MAX: variants seen among roughly 807,000 people sequenced by gnomAD.
The protein encoded by MAX is MYC associated transcriptional regulator X.
In MAX, 3 loss-of-function variants were observed where a neutral mutation model predicts 22.3. That is an observed-to-expected ratio of 0.13 (90% CI 0.06 to 0.35). The LOEUF (loss-of-function observed/expected upper bound fraction) is 0.35. MAX is among the 10% of genes least tolerant of loss of function. The pLI is 1.00. For synonymous variants in MAX, 72 were observed against 77.7 expected (o/e 0.93, Z 0.39); for missense variants, 119 against 209.4 (o/e 0.57, Z 2.66).
Position 65,030,910 on chromosome 14 carries a change from C to T in MAX, c.172-24626G>A, listed in dbSNP as rs930494191. On this transcript the variant is annotated intron_variant, in intron 3 of 3. Transcript: ENST00000341653. The surrounding 1 kb of genome is among the most constrained non-coding windows in gnomAD (Gnocchi z 4.5). ...GCAACCTCTGTCTCTGGGGTTCAAA[C>T]GATTCTCCTGCCTCGGTCTCCCAAG... Among the ~76,000 whole-genome samples, 3 of 152,082 alleles carry T rather than the reference C, an allele frequency of 2.0e-5. No homozygotes were observed. The highest frequency in any genetic ancestry group is 1.9e-4 in the East Asian group (1 of 5,146).
chr14:65,057,908 GT>G (rs1481980344), intron 3 of MAX, among the ~76,000 whole-genome samples: 3 of 152,090 alleles, frequency 2.0e-5, no homozygotes, highest in Non-Finnish European at 4.4e-5. Flanking sequence ...TGTTCCTTTG[GT>G]CTGTTTGCCT....
chr14:65,056,257 CTATTA>C (rs1444068187), intron 3 of MAX, among the ~76,000 whole-genome samples: 1 of 152,186 alleles, frequency 6.6e-6, no homozygotes, highest in Non-Finnish European at 1.5e-5. Flanking sequence ...TTCATTTTAA[CTATTA>C]TATGATACTC....
intron 3 of MAX, among the ~76,000 whole-genome samples, chr14:65,051,166 G>A (rs929400666): frequency 4.6e-5 from 7 of 152,222 alleles, no homozygotes; most frequent in African/African-American, 1.2e-4. Flanking sequence ...GGCTGAGTGC[G>A]ACTCAGGGTT....
chr14:65,040,307 G>A (rs1010984173), intron 3 of MAX, among the ~76,000 whole-genome samples: 2 of 149,166 alleles, frequency 1.3e-5, no homozygotes, highest in African/African-American at 2.4e-5. Context: ...GTATATATAT[G>A]TGTATATATG....
At chr14:65,072,390 G>A (rs2062997566), downstream of MAX, among the ~76,000 whole-genome samples, 1 of 152,202 alleles carries the variant, frequency 6.6e-6, no homozygotes, top group Non-Finnish European at 1.5e-5. Flanking sequence ...GGAGCACGTA[G>A]ACTCATCAAG....
chr14:65,043,641 T>C (rs147021938), intron 3 of MAX, among the ~76,000 whole-genome samples: 7,332 of 150,900 alleles, frequency 0.049, 590 homozygotes, highest in African/African-American at 0.17. Context: ...GCTAACAAGG[T>C]GAAACCCCGT....
intron 3 of MAX, among the ~76,000 whole-genome samples, chr14:65,034,247 A>G (rs886793915): frequency 2.6e-5 from 4 of 152,196 alleles, no homozygotes; most frequent in African/African-American, 9.7e-5. Flanking sequence ...CTTGCTACAC[A>G]GCAGGCATCC....
At chr14:65,053,324 G>C in intron 3 of MAX, 1 of 1,442,490 alleles carries the variant, frequency 6.9e-7, no homozygotes, top group Non-Finnish European at 9.2e-7. Context: ...GTGCCCTGCG[G>C]GGGGGCTTCT....
At chr14:65,060,870 CAAAAAAAAAA>C (rs58241887) in intron 3 of MAX, among the ~76,000 whole-genome samples, 12 of 79,596 alleles carry the variant, frequency 1.5e-4, no homozygotes, top group African/African-American at 4.4e-4. Context: ...AAGACTCTCT[CAAAAAAAAAA>C]AAAAAAAAAA....
chr14:65,061,715 T>C (rs1242369706), intron 3 of MAX: 1 of 184,446 alleles, frequency 5.4e-6, no homozygotes, highest in African/African-American at 2.3e-5. Flanking sequence ...TGCCCTCCGA[T>C]GGGTGGAATA....
chr14:65,076,194 A>C lies in MAX; in HGVS notation c.*282T>G. ...AGGTCCGGCCGGCCGTCTGTCCTCC[A>C]CAGAAAAAGCTGCCAAGTTGGGGTG... On this transcript the variant is annotated 3_prime_UTR_variant, in exon 5 of 5. Coordinates refer to ENST00000358664, the MANE Select transcript of MAX (RefSeq NM_002382.5). This position sits in a 1 kb window ranked among gnomAD's most constrained non-coding sequence, Gnocchi z 6.6. 4 of 1,411,222 alleles carry C rather than the reference A, an allele frequency of 2.8e-6. No homozygotes were observed. The South Asian group carries it at 6.3e-5, about 22-fold the overall frequency. The allele number at this position is 1,411,222 out of a possible 1,614,324, so 87.4% of individuals were successfully genotyped here.
At position 65,028,760 on chromosome 14, in the gene MAX, C is replaced by T. The variant is rs966549992; in HGVS notation, c.172-22476G>A. On this transcript the variant is annotated intron_variant, in intron 3 of 3. Transcript: ENST00000341653. The surrounding 1 kb of genome is among the most constrained non-coding windows in gnomAD (Gnocchi z 4.4). ...GTGTATACCAGTGAAACCAGTAGAA[C>T]GACTGAGGTAAATCAGTATGTGTTG... Among the ~76,000 whole-genome samples the T allele has an allele frequency of 3.0e-4, 46 of 152,258 alleles. No individual in the cohort carries two copies. Among genetic ancestry groups the T allele is most frequent in the African/African-American group, 1.0e-3 (42 of 41,558 alleles).
At position 65,012,508 on chromosome 14, in the gene MAX, T is replaced by G; in HGVS notation, c.172-6224A>C. On this transcript the variant is annotated intron_variant, in intron 3 of 3. Coordinates refer to the MAX transcript ENST00000341653. The surrounding 1 kb of genome is among the most constrained non-coding windows in gnomAD (Gnocchi z 5.0). ...TGTTGCAGAGTCACTCTTTGTTCTC[T>G]GTGGCTCTGGCAGGAGGTAGGGTGC... is the stretch of plus-strand genomic sequence containing the variant. 7 of 1,353,768 alleles carry G rather than the reference T, an allele frequency of 5.2e-6. No homozygotes were observed. Among genetic ancestry groups the G allele is most frequent in the East Asian group, 2.6e-5 (1 of 39,142 alleles). The allele number at this position is 1,353,768 out of a possible 1,614,324, so 83.9% of individuals were successfully genotyped here.
At chr14:65,087,419 T>C (rs1469580281) in intron 3 of MAX, among the ~76,000 whole-genome samples, 1 of 152,216 alleles carries the variant, frequency 6.6e-6, no homozygotes, top group Non-Finnish European at 1.5e-5. Flanking sequence ...GGAAGGAGGC[T>C]GTACCTTGCA....
In MAX at chr14:65,027,623, A is replaced by G. The variant is rs1321538128; in HGVS notation, c.172-21339T>C. 1 of 1,614,112 alleles carries G rather than the reference A, an allele frequency of 6.2e-7. No homozygotes were observed. The highest frequency in any genetic ancestry group is 8.5e-7 in the Non-Finnish European group (1 of 1,179,952). On this transcript the variant is annotated intron_variant, in intron 3 of 3. Coordinates refer to the MAX transcript ENST00000341653. The surrounding 1 kb of genome is among the most constrained non-coding windows in gnomAD (Gnocchi z 5.7). ...AGGTACAGTGAAAGCCAGCAGTGACAGAAACCTAGAGGAGTTCCCCGCCTG... is the reference window on the plus strand; with the variant it reads ...AGGTACAGTGAAAGCCAGCAGTGACGGAAACCTAGAGGAGTTCCCCGCCTG...
intron 3 of MAX, among the ~76,000 whole-genome samples, chr14:65,085,606 G>A (rs369021944): frequency 6.6e-6 from 1 of 152,142 alleles, no homozygotes; most frequent in Non-Finnish European, 1.5e-5. Flanking sequence ...GTTAATCACA[G>A]AAATTAGGGA....
Position 65,079,569 on chromosome 14 carries a change from T to C in MAX, c.172-1533A>G, listed in dbSNP as rs1388515745. On this transcript the variant is annotated intron_variant, in intron 3 of 4. Coordinates refer to ENST00000358664, the MANE Select transcript of MAX (RefSeq NM_002382.5). This position sits in a 1 kb window ranked among gnomAD's most constrained non-coding sequence, Gnocchi z 4.5. Reference sequence around the variant, plus strand: ...GCGGGGTAGCCTAGTAGCTTAAGTATGGCCTTCCAGCCAGAGACTCCTGAG... The same window carrying C: ...GCGGGGTAGCCTAGTAGCTTAAGTACGGCCTTCCAGCCAGAGACTCCTGAG... Among the ~76,000 whole-genome samples, 2 of 152,242 alleles carry C rather than the reference T, an allele frequency of 1.3e-5. No individual in the cohort carries two copies. The highest frequency in any genetic ancestry group is 6.5e-5 in the Admixed American group (1 of 15,290).
Position 65,084,396 on chromosome 14 carries a change from C to CAAAAAA in MAX, c.172-6366_172-6361dup. On this transcript the variant is annotated intron_variant, in intron 3 of 4. Coordinates refer to ENST00000358664, the MANE Select transcript of MAX (RefSeq NM_002382.5). This position sits in a 1 kb window ranked among gnomAD's most constrained non-coding sequence, Gnocchi z 4.3. ...GTTTACTGAATTAGTTACCCTCTTC[C>CAAAAAA]AAAAAAAAAAATTCCAGTGATAATG... is the stretch of plus-strand genomic sequence containing the variant. 5.3e-6 allele frequency: 3 copies of CAAAAAA among 570,994 alleles called. No homozygotes were observed. The highest frequency in any genetic ancestry group is 4.1e-5 in the African/African-American group (2 of 48,952). 35.4% of individuals were successfully genotyped at this position (570,994 alleles called of 1,614,324 possible).
At chr14:65,021,575 T>A (rs1479676879) in intron 3 of MAX, among the ~76,000 whole-genome samples, 2 of 152,286 alleles carry the variant, frequency 1.3e-5, no homozygotes, top group East Asian at 1.9e-4. Flanking sequence ...AAATATCCTC[T>A]ACAGGACGGT....
Sources: allele counts gnomAD v4.1 joint callset (sites outside exome capture counted in the v4.1 genomes callset), GRCh38; gene constraint gnomAD v4.1.1; non-coding constraint Gnocchi (gnomAD v3.1); transcripts MANE v1.5; gene names NCBI Gene and HGNC (gene_info 2026-07-23, HGNC 2026-07-21).